Variants in SMPD2 observed in about 807,000 individuals in gnomAD.
The protein encoded by SMPD2 is sphingomyelin phosphodiesterase 2, also known as N-SMase.
SMPD2 carries 35 observed loss-of-function variants against 41.7 expected under a neutral mutation model. The ratio of observed to expected loss-of-function variants is 0.84; its 90% confidence interval spans 0.64 to 1.11. SMPD2 has a LOEUF of 1.11. SMPD2 is among the 50% of genes most tolerant of loss of function. The probability of loss-of-function intolerance (pLI) is 0.00; values close to 1 mark genes in which losing one functional copy is unlikely to be tolerated. For synonymous variants in SMPD2, 201 were observed against 208.2 expected (o/e 0.97, Z 0.30); for missense variants, 520 against 524.8 (o/e 0.99, Z 0.09).
chr6:109,443,675 G>T lies in SMPD2; in HGVS notation c.1042G>T (p.Gly348Ter). 1 of 1,601,848 alleles carries T rather than the reference G, an allele frequency of 6.2e-7. No homozygotes were observed. Among genetic ancestry groups the T allele is most frequent in the Non-Finnish European group, 8.5e-7 (1 of 1,179,770 alleles). ...ACTGCTGTGTGTCCTGGCGGCTGGA[G>T]GAGGGGCCGGGGAAGCTGCCATACT... ...LALLCVLAAG[G>*]GAGEAAILLW... Residue 348 changes from glycine to a stop codon, truncating the protein, a stop_gained, in exon 10 of 10, where the codon GGA becomes TGA. Transcript: ENST00000258052. LOFTEE classifies it low-confidence loss of function (END_TRUNC).
rs111369755 is a variant in SMPD2 at position 109,440,824 on chromosome 6, G to C, written c.-298G>C. 10 of 384,742 alleles carry C rather than the reference G, an allele frequency of 2.6e-5. No homozygotes were observed. Among genetic ancestry groups the C allele is most frequent in the African/African-American group, 2.1e-4 (10 of 47,160 alleles). 23.8% of individuals were successfully genotyped at this position (384,742 alleles called of 1,614,324 possible). A position where few individuals can be genotyped will look rare whatever the true frequency, so the allele number is the denominator to read the frequency against. Reference sequence around the variant, plus strand: ...GGAACCGGGAGCCGCCCACCCGGGGGCGCTCTCCGGACCCCCAGGGTCCTA... The same window carrying C: ...GGAACCGGGAGCCGCCCACCCGGGGCCGCTCTCCGGACCCCCAGGGTCCTA... On this transcript the variant is annotated 5_prime_UTR_variant, in exon 1 of 10. Coordinates refer to ENST00000258052, the MANE Select transcript of SMPD2 (RefSeq NM_003080.3).
At position 109,442,858 on chromosome 6, in the gene SMPD2, GC is replaced by G. The variant is rs768972895; in HGVS notation, c.600del (p.Tyr201IlefsTer28). The G allele has an allele frequency of 2.5e-6, 4 of 1,613,238 alleles. No homozygotes were observed. The South Asian group carries it at 3.3e-5, about 13-fold the overall frequency. On this transcript the variant is annotated frameshift_variant, in exon 7 of 10. Transcript: ENST00000258052. LOFTEE classifies it high-confidence loss of function. Reference sequence around the variant, plus strand: ...GAAGGAGTGGACAGGGCTTCATGATGCCTATCTTGAAACTCGGGACTTCAAG... The same window carrying G: ...GAAGGAGTGGACAGGGCTTCATGATGCTATCTTGAAACTCGGGACTTCAAG... ...LLKEWTGLHD[A>X]YLETRDFKGS...
Position 109,442,980 on chromosome 6 carries a change from T to C in SMPD2, c.628T>C (p.Ser210Pro), listed in dbSNP as rs1775006914. ...CATGAGCCAATGATTCCCTTAGGGC[T>C]CTGAGGAAGGCAACACAATGGTACC... ...AYLETRDFKG[S>P]EEGNTMVPKN... The change falls in exon 8 of 10, where the codon TCT (serine) becomes CCT (proline). Residue 210 changes from serine (S) to proline (P), a missense_variant. Ser to Pro is a moderately conservative substitution (Grantham distance 74, BLOSUM62 -1). Coordinates refer to ENST00000258052, the MANE Select transcript of SMPD2 (RefSeq NM_003080.3). The C allele has an allele frequency of 1.9e-6, 3 of 1,614,116 alleles. No homozygotes were observed. Among genetic ancestry groups the C allele is most frequent in the Admixed American group, 3.3e-5 (2 of 60,020 alleles).
At chr6:109,442,655 T>C in intron 6 of SMPD2, 30 bp downstream of exon 6, 2 of 1,614,066 alleles carry the variant, frequency 1.2e-6, no homozygotes, top group Non-Finnish European at 1.7e-6. Context: ...AAATGGGAAG[T>C]GGGATGGGAC....
rs751053433 is a variant in SMPD2, at chr6:109,443,329, C to T, written c.792C>T (p.His264=). 1 of 1,613,878 alleles carries T rather than the reference C, an allele frequency of 6.2e-7. No individual in the cohort carries two copies. Among genetic ancestry groups the T allele is most frequent in the Non-Finnish European group, 8.5e-7 (1 of 1,179,742 alleles). ...AAACCACTACAGGCTTTGACCCTCA[C>T]AGGGGCACCCCCCTCTCTGATCATG... ...SFETTTGFDP[H]RGTPLSDHEA... Residue 264 remains histidine (H), a synonymous_variant, in exon 9 of 10, where the codon CAC becomes CAT. Coordinates refer to ENST00000258052, the MANE Select transcript of SMPD2 (RefSeq NM_003080.3).
In SMPD2 at chr6:109,441,383, G is replaced by A. The variant is rs933300386; in HGVS notation, c.77G>A (p.Arg26Gln). 3.1e-6 allele frequency: 5 copies of A among 1,613,958 alleles called. No homozygotes were observed. In the African/African-American group the frequency reaches 6.7e-5, roughly 22 times the overall value. The change falls in exon 2 of 10, where the codon CGG becomes CAG. Residue 26 changes from arginine (R) to glutamine (Q), a missense_variant. Transcript: ENST00000258052. The part of the protein sequence containing the change: ...CWGIPYLSKH[R>Q]ADRMRRLGDF... ...GGCATTCCGTACTTGAGCAAGCACC[G>A]GGCCGACCGCATGAGGCGCCTGGGA...
In SMPD2 at chr6:109,443,556, A is replaced by C; in HGVS notation, c.923A>C (p.Glu308Ala). The change falls in exon 10 of 10, where the codon GAG becomes GCG. Residue 308 changes from glutamate to alanine, a missense_variant. Glu to Ala is a moderately radical substitution (Grantham distance 107, BLOSUM62 -1). Transcript: ENST00000258052. ...ERSPLMCVLKEAWTELGLGMA... is the reference protein window; with the variant it reads ...ERSPLMCVLKAAWTELGLGMA... ...TCGCCGTTGATGTGTGTGCTAAAGG[A>C]GGCCTGGACGGAGCTGGGTCTGGGC... 6.2e-7 allele frequency: 1 copy of C among 1,613,600 alleles called. No homozygotes were observed. Among genetic ancestry groups the C allele is most frequent in the African/African-American group, 1.3e-5 (1 of 75,036 alleles).
At position 109,443,081 on chromosome 6, in the gene SMPD2, G is replaced by C; in HGVS notation, c.729G>C (p.Lys243Asn). 5 of 1,612,338 alleles carry C rather than the reference G, an allele frequency of 3.1e-6. No homozygotes were observed. Among genetic ancestry groups the C allele is most frequent in the Non-Finnish European group, 4.2e-6 (5 of 1,178,406 alleles). ...FGVRIDYVLY[K>N]AVSGFYISCK... ...TCCGCATTGACTACGTGCTTTACAA[G>C]GTCAGGCTCCTCCCTTCAACATGCT... is the stretch of plus-strand genomic sequence containing the variant. Residue 243 changes from lysine to asparagine, a missense_variant and splice_region_variant, in exon 8 of 10, where the codon AAG (lysine) becomes AAC (asparagine). Transcript: ENST00000258052.
At chr6:109,441,950 T>A in intron 3 of SMPD2, 24 bp from the exon 4 acceptor site, 1 of 1,607,112 alleles carries the variant, frequency 6.2e-7, no homozygotes. Flanking sequence ...TTTTTCTGGT[T>A]ATTAAGCAGG....
Position 109,441,975 on chromosome 6 carries a change from G to C in SMPD2, c.226G>C (p.Gly76Arg), listed in dbSNP as rs201742879. Residue 76 changes from glycine (G) to arginine (R), a missense_variant and splice_region_variant, in exon 4 of 10, where the codon GGA (glycine) becomes CGA (arginine). Gly to Arg is a moderately radical substitution (Grantham distance 125, BLOSUM62 -2). Transcript: ENST00000258052. ...TYPAAHHFRS[G>R]IIGSGLCVFS... is the part of the protein sequence containing the mutation. ...TATTAAGCAGGGCTTGGCTTTCAGC[G>C]GAATCATTGGCAGTGGCCTCTGTGT... 6.2e-7 allele frequency: 1 copy of C among 1,614,006 alleles called. No homozygotes were observed. Among genetic ancestry groups the C allele is most frequent in the Non-Finnish European group, 8.5e-7 (1 of 1,179,854 alleles).
chr6:109,441,902 A>G (rs1477094063), intron 3 of SMPD2, 72 bp from the exon 4 acceptor site: 12 of 1,354,606 alleles, frequency 8.9e-6, no homozygotes, highest in Non-Finnish European at 1.3e-5. Flanking sequence ...CAGAGCTGGA[A>G]GACAAGGGAG....
In SMPD2 at chr6:109,442,890, G is replaced by C; in HGVS notation, c.624+6G>C. ...TTGAAACTCGGGACTTCAAGGTGAG[G>C]ACTTGCCTGTTACTTCCCCACCTAT... On this transcript the variant is annotated splice_donor_region_variant and intron_variant, in intron 7 of 9. Transcript: ENST00000258052. 6.2e-7 allele frequency: 1 copy of C among 1,612,182 alleles called. No individual in the cohort carries two copies. Among genetic ancestry groups the C allele is most frequent in the Non-Finnish European group, 8.5e-7 (1 of 1,178,388 alleles).
Position 109,440,864 on chromosome 6 carries a change from C to A in SMPD2, c.-258C>A. On this transcript the variant is annotated 5_prime_UTR_variant, in exon 1 of 10. Transcript: ENST00000258052. The stretch of plus-strand genomic sequence containing the variant: ...CCAGGGTCCTAGCGCGCGGCCCTTA[C>A]CGAGCCTGGGCGCCCGGATTTCGGC... The A allele has an allele frequency of 1.9e-6, 1 of 531,562 alleles. No homozygotes were observed. Among genetic ancestry groups the A allele is most frequent in the East Asian group, 3.5e-5 (1 of 28,672 alleles). 32.9% of individuals were successfully genotyped at this position (531,562 alleles called of 1,614,324 possible). A position where few individuals can be genotyped will look rare whatever the true frequency, so the allele number is the denominator to read the frequency against.
chr6:109,441,050 G>A lies in SMPD2; in HGVS notation c.-72G>A. On this transcript the variant is annotated 5_prime_UTR_variant, in exon 1 of 10. Coordinates refer to ENST00000258052, the MANE Select transcript of SMPD2 (RefSeq NM_003080.3). ...AACGGTCTGGGGAGAAGGCGCCGCC[G>A]GCCGCCCCCGTCCCCACCGCGGCCG... The A allele has an allele frequency of 1.3e-6, 2 of 1,520,972 alleles. No individual in the cohort carries two copies. Among genetic ancestry groups the A allele is most frequent in the South Asian group, 1.1e-5 (1 of 88,706 alleles). The allele number at this position is 1,520,972 out of a possible 1,614,324, so 94.2% of individuals were successfully genotyped here. A position where few individuals can be genotyped will look rare whatever the true frequency, so the allele number is the denominator to read the frequency against.
chr6:109,442,177 G>A (rs1176880318), intron 4 of SMPD2, 33 bp from the exon 5 acceptor site: 6 of 1,607,372 alleles, frequency 3.7e-6, no homozygotes, highest in African/African-American at 1.3e-5. Context: ...GATGGTGGCG[G>A]TGCCCTGAGT....
Position 109,442,853 on chromosome 6 carries a change from A to G in SMPD2, c.593A>G (p.His198Arg), listed in dbSNP as rs1241655864. Reference protein sequence around the residue: ...CCLLKEWTGLHDAYLETRDFK... With the variant: ...CCLLKEWTGLRDAYLETRDFK... Reference sequence around the variant, plus strand: ...CTGCTGAAGGAGTGGACAGGGCTTCATGATGCCTATCTTGAAACTCGGGAC... The same window carrying G: ...CTGCTGAAGGAGTGGACAGGGCTTCGTGATGCCTATCTTGAAACTCGGGAC... The change falls in exon 7 of 10, where the codon CAT becomes CGT. Residue 198 changes from histidine to arginine, a missense_variant. Transcript: ENST00000258052. 6.2e-7 allele frequency: 1 copy of G among 1,613,570 alleles called. No individual in the cohort carries two copies. The highest frequency in any genetic ancestry group is 1.7e-5 in the Admixed American group (1 of 60,022).
chr6:109,443,391 C>A lies in SMPD2; in HGVS notation c.854C>A (p.Pro285His), dbSNP rs766825537. ...GCTACTCTGTTTGTGAGGCACAGCCCCCCACAGCAGAACCCCAGCTCTACC... is the reference window on the plus strand; with the variant it reads ...GCTACTCTGTTTGTGAGGCACAGCCACCCACAGCAGAACCCCAGCTCTACC... ...LMATLFVRHSPPQQNPSSTHG... is the reference protein window; with the variant it reads ...LMATLFVRHSHPQQNPSSTHG... The change falls in exon 9 of 10, where the codon CCC becomes CAC. Residue 285 changes from proline (P) to histidine (H), a missense_variant. Pro to His is a moderately conservative substitution (Grantham distance 77, BLOSUM62 -2). Transcript: ENST00000258052. The A allele has an allele frequency of 9.9e-6, 16 of 1,614,092 alleles. No homozygotes were observed. The highest frequency in any genetic ancestry group is 1.3e-5 in the African/African-American group (1 of 75,024).
At position 109,441,008 on chromosome 6, in the gene SMPD2, G is replaced by C; in HGVS notation, c.-114G>C. 1 of 1,073,956 alleles carries C rather than the reference G, an allele frequency of 9.3e-7. No homozygotes were observed. The highest frequency in any genetic ancestry group is 1.4e-6 in the Non-Finnish European group (1 of 721,300). The allele number at this position is 1,073,956 out of a possible 1,614,324, so 66.5% of individuals were successfully genotyped here. A position where few individuals can be genotyped will look rare whatever the true frequency, so the allele number is the denominator to read the frequency against. On this transcript the variant is annotated 5_prime_UTR_variant, in exon 1 of 10. Coordinates refer to ENST00000258052, the MANE Select transcript of SMPD2 (RefSeq NM_003080.3). Reference sequence around the variant, plus strand: ...GCGGGCTTGGTGCCCACCTGTGCGCGCCGCCTGCGAAGAAGGAACGGTCTG... The same window carrying C: ...GCGGGCTTGGTGCCCACCTGTGCGCCCCGCCTGCGAAGAAGGAACGGTCTG...
In SMPD2 at chr6:109,442,051, A is replaced by T; in HGVS notation, c.302A>T (p.Asn101Ile). The stretch of plus-strand genomic sequence containing the variant: ...CTTACCCAGCACATCTACACTCTCA[A>T]TGGCTACCCCTACATGGTAAGGCAG... ...QELTQHIYTL[N>I]GYPYMIHHGD... Residue 101 changes from asparagine to isoleucine, a missense_variant, in exon 4 of 10, where the codon AAT (asparagine) becomes ATT (isoleucine). Transcript: ENST00000258052. The T allele has an allele frequency of 5.6e-6, 9 of 1,613,024 alleles. No individual in the cohort carries two copies. In the South Asian group the frequency reaches 8.8e-5, roughly 16 times the overall value.
Sources: gnomAD v4.1 joint callset for allele counts on GRCh38, gnomAD v4.1.1 for gene constraint, MANE v1.5 for transcripts, NCBI Gene and HGNC (gene_info 2026-07-23, HGNC 2026-07-21) for gene names.